The following PRSS23 variants were observed in gnomAD, a reference collection of about 807,000 sequenced individuals.
PRSS23 encodes the protein protease, serine 23.
A neutral mutation model predicts 34.7 loss-of-function variants in PRSS23; 25 were observed. That is an observed-to-expected ratio of 0.72 (90% CI 0.53 to 1.01). The LOEUF is 1.01. PRSS23 is among the 50% of genes least tolerant of loss of function. The pLI is 0.00. For missense variants in PRSS23, 445 were observed against 475.6 expected (o/e 0.94, Z 0.60); for synonymous variants, 176 against 186.6 (o/e 0.94, Z 0.46).
At chr11:86,945,324 G>T (rs1438132782) in intron 2 of PRSS23, among the ~76,000 whole-genome samples, 1 of 151,310 alleles carries the variant, frequency 6.6e-6, no homozygotes, top group East Asian at 1.9e-4. Context: ...TAAGTCAATG[G>T]GGCTTGAAAG....
chr11:86,945,004 C>T (rs1306221712), intron 2 of PRSS23, among the ~76,000 whole-genome samples: 1 of 152,184 alleles, frequency 6.6e-6, no homozygotes, highest in Non-Finnish European at 1.5e-5. Flanking sequence ...GGCTCTCCTT[C>T]CCTCTGTATG....
chr11:86,845,038 A>G (rs1414152611), intron 2 of PRSS23, among the ~76,000 whole-genome samples: 1 of 151,972 alleles, frequency 6.6e-6, no homozygotes, highest in Non-Finnish European at 1.5e-5. Context: ...CTGTGAGCTG[A>G]GATCACACCA....
intron 2 of PRSS23, among the ~76,000 whole-genome samples, chr11:86,945,414 T>C (rs1949234684): frequency 6.6e-6 from 1 of 151,444 alleles, no homozygotes; most frequent in African/African-American, 2.4e-5. Context: ...AGAACTATAG[T>C]TATATCCAAA....
downstream of PRSS23, among the ~76,000 whole-genome samples, chr11:86,815,266 T>C (rs566642714): frequency 1.3e-5 from 2 of 152,326 alleles, no homozygotes; most frequent in African/African-American, 4.8e-5. Flanking sequence ...GGAGTTCTTA[T>C]TGCCCTTCCC....
intron 2 of PRSS23, among the ~76,000 whole-genome samples, chr11:86,895,646 A>C (rs1204704013): frequency 6.6e-6 from 1 of 151,660 alleles, no homozygotes; most frequent in Non-Finnish European, 1.5e-5. Context: ...TGCCCAGCTA[A>C]TTTTTATATT....
At chr11:86,864,588 A>C (rs973474228) in intron 2 of PRSS23, among the ~76,000 whole-genome samples, 1 of 152,258 alleles carries the variant, frequency 6.6e-6, no homozygotes, top group African/African-American at 2.4e-5. Flanking sequence ...TCATCTGGCA[A>C]TTAGCAAAAT....
At chr11:86,870,576 A>G (rs1434247864) in intron 2 of PRSS23, among the ~76,000 whole-genome samples, 1 of 152,114 alleles carries the variant, frequency 6.6e-6, no homozygotes, top group Non-Finnish European at 1.5e-5. Context: ...TGACCTTTAT[A>G]TTTTCAAAAG....
At chr11:86,875,387 A>T (rs1363586229) in intron 2 of PRSS23, among the ~76,000 whole-genome samples, 1 of 152,128 alleles carries the variant, frequency 6.6e-6, no homozygotes, top group East Asian at 1.9e-4. Context: ...TATATATATA[A>T]AATAAATGAA....
chr11:86,823,763 T>G (rs962559874), intron 2 of PRSS23, among the ~76,000 whole-genome samples: 2 of 152,012 alleles, frequency 1.3e-5, no homozygotes, highest in African/African-American at 4.8e-5. Flanking sequence ...TCCCAGCATT[T>G]TGGGAGGCCG....
At chr11:86,837,348 A>T (rs1948414633) in intron 2 of PRSS23, 1 of 152,260 alleles carries the variant, frequency 6.6e-6, no homozygotes, top group African/African-American at 2.4e-5. Context: ...ATATTTCCAG[A>T]TGCCAGTTAT....
intron 2 of PRSS23, among the ~76,000 whole-genome samples, chr11:86,924,091 A>C (rs905355855): frequency 1.3e-5 from 2 of 152,214 alleles, no homozygotes; most frequent in African/African-American, 4.8e-5. Context: ...AGGAGGTAAG[A>C]TCGAGAGCCG....
intron 2 of PRSS23, chr11:86,945,984 C>CAG (rs1162950061): frequency 6.6e-6 from 1 of 152,622 alleles, no homozygotes; most frequent in East Asian, 1.9e-4. Context: ...GACTGCTGCA[C>CAG]AGAGCAGGGG....
downstream of PRSS23, among the ~76,000 whole-genome samples, chr11:86,813,709 T>C (rs1332803612): frequency 1.3e-5 from 2 of 152,168 alleles, no homozygotes; most frequent in African/African-American, 4.8e-5. Context: ...CCATAAAATA[T>C]AATTTTTAAT....
chr11:86,794,232 T>C (rs1012133807), intron 1 of PRSS23, among the ~76,000 whole-genome samples: 6 of 152,190 alleles, frequency 3.9e-5, no homozygotes, highest in African/African-American at 1.2e-4. Context: ...ATTTCCAATA[T>C]AAAATCTTCA....
intron 2 of PRSS23, among the ~76,000 whole-genome samples, chr11:86,828,886 G>C (rs1358428134): frequency 1.3e-4 from 20 of 152,230 alleles, no homozygotes; most frequent in African/African-American, 3.6e-4. Context: ...ATGGGCTTCC[G>C]TTTGTGGGTA....
chr11:86,803,520 A>G (rs1384259697), intron 1 of PRSS23, among the ~76,000 whole-genome samples: 1 of 152,228 alleles, frequency 6.6e-6, no homozygotes, highest in Non-Finnish European at 1.5e-5. Flanking sequence ...TGAGTTGAGA[A>G]ATGAATGTAA....
intron 2 of PRSS23, among the ~76,000 whole-genome samples, chr11:86,943,025 G>GA (rs1223802064): frequency 1.3e-5 from 2 of 152,212 alleles, no homozygotes; most frequent in Non-Finnish European, 2.9e-5. Context: ...ATGGGAAAGA[G>GA]AAAAAATCAG....
At position 86,809,237 on chromosome 11, in the gene PRSS23, G is replaced by GT. The variant is rs949575750; in HGVS notation, c.*449dup. The GT allele has an allele frequency of 2.1e-4, 35 of 167,386 alleles. No homozygotes were observed. Among genetic ancestry groups the GT allele is most frequent in the Admixed American group, 9.8e-4 (15 of 15,292 alleles). 10.4% of individuals were successfully genotyped at this position (167,386 alleles called of 1,614,324 possible). Reference sequence around the variant, plus strand: ...ATTCATCTTGGTGGTGGGTTTTTTTGTTTTTTTAATTCAGTGCCTGATCTT... The same window carrying GT: ...ATTCATCTTGGTGGTGGGTTTTTTTGTTTTTTTTAATTCAGTGCCTGATCTT... On this transcript the variant is annotated 3_prime_UTR_variant, in exon 2 of 2. Transcript: ENST00000280258.
At chr11:86,859,420 T>C (rs1948597048) in intron 2 of PRSS23, among the ~76,000 whole-genome samples, 1 of 151,976 alleles carries the variant, frequency 6.6e-6, no homozygotes, top group African/African-American at 2.4e-5. Context: ...TCGTTTCTAC[T>C]ATCCAAAGGG....
Sources: gnomAD v4.1 joint callset for allele counts (sites outside exome capture counted in the v4.1 genomes callset) on GRCh38, gnomAD v4.1.1 for gene constraint, MANE v1.5 for transcripts, NCBI Gene and HGNC (gene_info 2026-07-23, HGNC 2026-07-21) for gene names.